Variants in XKR4 observed in about 807,000 individuals in gnomAD.
The protein encoded by XKR4 is XK-related protein 4.
In XKR4, 12 loss-of-function variants were observed where a neutral mutation model predicts 53.9. The ratio of observed to expected loss-of-function variants is 0.22; its 90% confidence interval spans 0.14 to 0.36. The LOEUF (loss-of-function observed/expected upper bound fraction) is 0.36, where lower values mean the gene tolerates loss of function less well. XKR4 is among the 10% of genes least tolerant of loss of function. The pLI, the probability that XKR4 is intolerant of heterozygous loss-of-function variation, is 1.00. For synonymous variants in XKR4, 354 were observed against 362.4 expected, an observed-to-expected ratio of 0.98 and a Z score of 0.26; for missense variants, 799 against 859.5, an observed-to-expected ratio of 0.93 and a Z score of 0.88.
At chr8:55,242,727 G>A (rs906021482) in intron 1 of XKR4, among the ~76,000 whole-genome samples, 2 of 152,086 alleles carry the variant, frequency 1.3e-5, no homozygotes, top group African/African-American at 4.8e-5. Context: ...GGCTTTAGAA[G>A]GCAGTTGGCA....
At chr8:55,242,790 G>C (rs1049929370) in intron 1 of XKR4, among the ~76,000 whole-genome samples, 1 of 152,122 alleles carries the variant, frequency 6.6e-6, no homozygotes, top group Non-Finnish European at 1.5e-5. Flanking sequence ...TCTAGTCTGC[G>C]GGCATTACCA....
At chr8:55,341,336 C>T (rs990376607) in intron 1 of XKR4, among the ~76,000 whole-genome samples, 1 of 152,128 alleles carries the variant, frequency 6.6e-6, no homozygotes, top group African/African-American at 2.4e-5. Flanking sequence ...TGCTCCCATT[C>T]CCACTTTTCA....
At chr8:55,121,084 G>T (rs1816384752) in intron 1 of XKR4, among the ~76,000 whole-genome samples, 1 of 152,164 alleles carries the variant, frequency 6.6e-6, no homozygotes, top group Non-Finnish European at 1.5e-5. Context: ...TCTGTTGTCT[G>T]GATGTACTAC....
At chr8:55,368,403 T>C (rs1804024760) in intron 2 of XKR4, among the ~76,000 whole-genome samples, 1 of 152,180 alleles carries the variant, frequency 6.6e-6, no homozygotes, top group African/African-American at 2.4e-5. Flanking sequence ...CACTGGCTCG[T>C]GTGAGTCCTG....
At position 55,102,525 on chromosome 8, in the gene XKR4, A is replaced by G; in HGVS notation, c.37A>G (p.Lys13Glu). 1.3e-6 allele frequency: 2 copies of G among 1,549,246 alleles called. No homozygotes were observed. The highest frequency in any genetic ancestry group is 1.7e-6 in the Non-Finnish European group (2 of 1,143,406). ...ATCAGACGGGAGGCTGAAAATGAAG[A>G]AAAGCAGCGACGTGGCGTTCACCCC... ...AKSDGRLKMKKSSDVAFTPLQ... is the reference protein window; with the variant it reads ...AKSDGRLKMKESSDVAFTPLQ... Residue 13 changes from lysine (K) to glutamate (E), a missense_variant, in exon 1 of 3, where the codon AAA (lysine) becomes GAA (glutamate). By Grantham distance (56) the Lys-to-Glu change is moderately conservative. Transcript: ENST00000327381. The surrounding 1 kb of genome is among the most constrained non-coding windows in gnomAD (Gnocchi z 5.1).
intron 2 of XKR4, among the ~76,000 whole-genome samples, chr8:55,494,713 G>T (rs2129402627): frequency 6.6e-6 from 1 of 152,242 alleles, no homozygotes; most frequent in East Asian, 1.9e-4. Flanking sequence ...TCTATAGCTG[G>T]TTGTCTGTCC....
chr8:55,385,217 G>C (rs562769200), intron 2 of XKR4, among the ~76,000 whole-genome samples: 5 of 151,892 alleles, frequency 3.3e-5, no homozygotes, highest in African/African-American at 9.7e-5. Context: ...CCTACTCTCC[G>C]CCTCATCTTT....
At chr8:55,452,810 G>C (rs1404789796) in intron 2 of XKR4, 1 of 774,384 alleles carries the variant, frequency 1.3e-6, no homozygotes, top group Non-Finnish European at 2.3e-6. Context: ...GGACCAGGCT[G>C]TTGCTGGTGC....
chr8:55,407,464 T>A (rs1362373570), intron 2 of XKR4, among the ~76,000 whole-genome samples: 1 of 152,222 alleles, frequency 6.6e-6, no homozygotes, highest in Non-Finnish European at 1.5e-5. Flanking sequence ...GGTCCCGCTG[T>A]CCACGCTGCC....
In XKR4 at chr8:55,413,971, A is replaced by G. The variant is rs750429543; in HGVS notation, c.1006+56094A>G. On this transcript the variant is annotated intron_variant, in intron 2 of 2. Coordinates refer to ENST00000327381, the MANE Select transcript of XKR4 (RefSeq NM_052898.2). ...ATAGACTTTCAAATGATATGTACCC[A>G]TTGTTACATAAACTGTATTCTTTTG... Among the ~76,000 whole-genome samples, 149 of 152,218 alleles carry G rather than the reference A, an allele frequency of 9.8e-4. 1 individual carries two copies. Among genetic ancestry groups the G allele is most frequent in the Non-Finnish European group, 1.7e-3 (115 of 68,028 alleles).
At chr8:55,255,765 G>T (rs1214835759) in intron 1 of XKR4, among the ~76,000 whole-genome samples, 5 of 152,170 alleles carry the variant, frequency 3.3e-5, no homozygotes, top group African/African-American at 9.7e-5. Context: ...GTTTAAGTTT[G>T]TGAAGTCATA....
At chr8:55,210,275 G>A (rs1817713080) in intron 1 of XKR4, among the ~76,000 whole-genome samples, 1 of 151,996 alleles carries the variant, frequency 6.6e-6, no homozygotes, top group African/African-American at 2.4e-5. Context: ...GTAGAGATGG[G>A]GTTTCATCAT....
intron 1 of XKR4, among the ~76,000 whole-genome samples, chr8:55,232,318 C>T (rs961523161): frequency 3.9e-5 from 6 of 152,152 alleles, no homozygotes; most frequent in Non-Finnish European, 8.8e-5. Flanking sequence ...TGAGAAGAGC[C>T]CATTAGCACC....
intron 2 of XKR4, among the ~76,000 whole-genome samples, chr8:55,411,521 C>G (rs1424775552): frequency 3.3e-5 from 5 of 152,206 alleles, no homozygotes. Flanking sequence ...CGCAGAGAAT[C>G]TAAGAATGAT....
intron 2 of XKR4, among the ~76,000 whole-genome samples, chr8:55,455,505 T>C (rs1428874624): frequency 6.6e-6 from 1 of 152,140 alleles, no homozygotes; most frequent in Admixed American, 6.5e-5. Flanking sequence ...AATTGGGCAA[T>C]AGGTCAAAAT....
At chr8:55,467,465 G>A (rs1467063427) in intron 2 of XKR4, among the ~76,000 whole-genome samples, 2 of 152,134 alleles carry the variant, frequency 1.3e-5, no homozygotes, top group African/African-American at 2.4e-5. Context: ...AAGGGGAGTG[G>A]ATTGCACATG....
chr8:55,330,106 A>G (rs922366379), intron 1 of XKR4, among the ~76,000 whole-genome samples: 1 of 152,180 alleles, frequency 6.6e-6, no homozygotes, highest in African/African-American at 2.4e-5. Flanking sequence ...CACTATCACC[A>G]TCACCATATT....
chr8:55,411,567 A>G (rs1487928962), intron 2 of XKR4, among the ~76,000 whole-genome samples: 1 of 152,180 alleles, frequency 6.6e-6, no homozygotes, highest in Non-Finnish European at 1.5e-5. Context: ...TCTTCAACTG[A>G]CCACTTGCCT....
At chr8:55,227,057 C>T (rs184018000) in intron 1 of XKR4, among the ~76,000 whole-genome samples, 80 of 152,286 alleles carry the variant, frequency 5.3e-4, no homozygotes, top group African/African-American at 1.9e-3. Context: ...ACTGCAACAC[C>T]ACCCCCACCC....
Sources: gnomAD v4.1 joint callset for allele counts (sites outside exome capture counted in the v4.1 genomes callset) on GRCh38, gnomAD v4.1.1 for gene constraint, Gnocchi (gnomAD v3.1) non-coding constraint, MANE v1.5 for transcripts, NCBI Gene and HGNC (gene_info 2026-07-23, HGNC 2026-07-21) for gene names.